The following DLC1 variants were observed in gnomAD, a reference collection of about 807,000 sequenced individuals.
DLC1 encodes DLC1 Rho GTPase activating protein, also known as rho GTPase-activating protein 7.
A neutral mutation model predicts 140.3 loss-of-function variants in DLC1; 54 were observed. That is an observed-to-expected ratio of 0.38 (90% confidence interval 0.31 to 0.48). The LOEUF is 0.48. DLC1 is among the 20% of genes least tolerant of loss of function. The pLI is 0.96. For missense variants in DLC1, 2,536 were observed against 1,907.0 expected, an observed-to-expected ratio of 1.33 and a Z score of -6.14; for synonymous variants, 986 against 728.1, an observed-to-expected ratio of 1.35 and a Z score of -5.70.
At chr8:13,091,668 C>G (rs1300020884) in intron 13 of DLC1, among the ~76,000 whole-genome samples, 1 of 152,112 alleles carries the variant, frequency 6.6e-6, no homozygotes, top group Non-Finnish European at 1.5e-5. Flanking sequence ...GTGATTCAAA[C>G]CATTTAATTA....
intron 5 of DLC1, among the ~76,000 whole-genome samples, chr8:13,160,705 C>T (rs138181706): frequency 5.1e-4 from 78 of 152,252 alleles, no homozygotes; most frequent in African/African-American, 1.6e-3. Flanking sequence ...TGATTAGGGA[C>T]GGCAGGGAGC....
In DLC1 at chr8:13,279,888, A is replaced by G. The variant is rs574570080; in HGVS notation, c.1348+25381T>C. ...GTTTTCTATGACTCTGAGAGGTGAG[A>G]ATAGTTTGTGATAATTAGTGTTGTC... On this transcript the variant is annotated intron_variant, in intron 5 of 17. Transcript: ENST00000276297. Among the ~76,000 whole-genome samples the G allele has an allele frequency of 3.9e-5, 6 of 152,248 alleles. 1 individual carries two copies. Among genetic ancestry groups the G allele is most frequent in the African/African-American group, 1.4e-4 (6 of 41,546 alleles).
At chr8:13,304,261 T>A (rs889603267) in intron 5 of DLC1, among the ~76,000 whole-genome samples, 3 of 152,210 alleles carry the variant, frequency 2.0e-5, no homozygotes, top group Admixed American at 6.5e-5. Context: ...TACATTGTTA[T>A]GTTGTGTGAT....
chr8:13,090,581 C>A (rs1289479152), intron 14 of DLC1, 111 bp from the exon 15 acceptor site: 3 of 1,267,500 alleles, frequency 2.4e-6, no homozygotes, highest in Non-Finnish European at 3.3e-6. Context: ...TAAAGCAGTG[C>A]AGGCATCTTC....
intron 2 of DLC1, among the ~76,000 whole-genome samples, chr8:13,478,007 C>T (rs1007882255): frequency 6.6e-6 from 1 of 152,092 alleles, no homozygotes; most frequent in African/African-American, 2.4e-5. Context: ...AAAACATGAA[C>T]ATGGTACTAG....
intron 4 of DLC1, among the ~76,000 whole-genome samples, chr8:13,382,122 TA>T (rs1281695797): frequency 6.6e-6 from 1 of 152,060 alleles, no homozygotes; most frequent in Non-Finnish European, 1.5e-5. Context: ...ATGTAGAAAG[TA>T]AAAAATGTAC....
intron 1 of DLC1, among the ~76,000 whole-genome samples, chr8:13,575,548 G>A (rs1804809115): frequency 6.6e-6 from 1 of 152,098 alleles, no homozygotes; most frequent in South Asian, 2.1e-4. Flanking sequence ...GCACAGATAT[G>A]GGGCAGAAGA....
Position 13,139,240 on chromosome 8 carries a change from G to C in DLC1, c.1349-23583C>G, listed in dbSNP as rs1822791515. ...GGTAGTCGAGGCTGGATTAAGCTGA[G>C]AATGTGCCACTGCACTCCAGCCTGG... On this transcript the variant is annotated intron_variant, in intron 5 of 17. Coordinates refer to ENST00000276297, the MANE Select transcript of DLC1 (RefSeq NM_182643.3). Among the ~76,000 whole-genome samples the C allele has an allele frequency of 2.4e-5, 3 of 123,570 alleles. No individual in the cohort carries two copies. The Admixed American group carries it at 3.2e-4, about 13-fold the overall frequency. The allele number at this position is 123,570 out of a possible 152,430, so 81.1% of individuals were successfully genotyped here.
chr8:13,224,162 A>C (rs892910119), intron 5 of DLC1, among the ~76,000 whole-genome samples: 2 of 152,230 alleles, frequency 1.3e-5, no homozygotes, highest in African/African-American at 4.8e-5. Flanking sequence ...ACAGAAGAAT[A>C]ACTATTGATT....
intron 2 of DLC1, among the ~76,000 whole-genome samples, chr8:13,498,262 G>A (rs546041100): frequency 6.6e-6 from 1 of 152,198 alleles, no homozygotes; most frequent in South Asian, 2.1e-4. Flanking sequence ...AAAAATGTGG[G>A]GAAATTCTAT....
chr8:13,253,203 TAAG>T (rs1830083240), intron 5 of DLC1, among the ~76,000 whole-genome samples: 1 of 152,204 alleles, frequency 6.6e-6, no homozygotes. Context: ...CAGTTAAAAA[TAAG>T]AATAGTCATG....
chr8:13,603,963 A>G (rs558541772), intron 1 of DLC1, among the ~76,000 whole-genome samples: 7 of 152,224 alleles, frequency 4.6e-5, no homozygotes, highest in African/African-American at 1.4e-4. Context: ...GAAAAGGTAA[A>G]TGGTGTACTT....
intron 1 of DLC1, among the ~76,000 whole-genome samples, chr8:13,511,903 G>T (rs1000790574): frequency 3.9e-5 from 6 of 152,032 alleles, no homozygotes; most frequent in African/African-American, 1.4e-4. Context: ...ATCAATTTTT[G>T]ACCTATTTTA....
At chr8:13,293,537 T>G (rs1268345970) in intron 5 of DLC1, among the ~76,000 whole-genome samples, 1 of 152,216 alleles carries the variant, frequency 6.6e-6, no homozygotes, top group Non-Finnish European at 1.5e-5. Flanking sequence ...ATAAACAGAT[T>G]GATTCAAAAC....
chr8:13,242,997 T>C (rs1259303725), intron 5 of DLC1, among the ~76,000 whole-genome samples: 1 of 151,978 alleles, frequency 6.6e-6, no homozygotes, highest in African/African-American at 2.4e-5. Flanking sequence ...GTTCTCGTGA[T>C]GGTGAGTGAG....
chr8:13,194,704 T>C (rs1345430361), intron 5 of DLC1, among the ~76,000 whole-genome samples: 1 of 152,174 alleles, frequency 6.6e-6, no homozygotes, highest in African/African-American at 2.4e-5. Flanking sequence ...AAGCATTCCA[T>C]TTTGTTATGG....
intron 1 of DLC1, among the ~76,000 whole-genome samples, chr8:13,504,090 A>G (rs1333577041): frequency 6.6e-6 from 1 of 150,654 alleles, no homozygotes. Context: ...GTTACCTTGG[A>G]GGGTAACATT....
chr8:13,477,283 A>T (rs1034860373), intron 2 of DLC1, among the ~76,000 whole-genome samples: 2 of 152,218 alleles, frequency 1.3e-5, no homozygotes, highest in African/African-American at 4.8e-5. Flanking sequence ...GACAGCGTGG[A>T]AGATGTAGCT....
intron 4 of DLC1, among the ~76,000 whole-genome samples, chr8:13,345,550 T>TTTTTTTA (rs1834294240): frequency 1.9e-5 from 1 of 51,456 alleles, no homozygotes; most frequent in Non-Finnish European, 5.9e-5. Context: ...ACTCACACTT[T>TTTTTTTA]TTTTTTTTTT....
Sources: allele counts gnomAD v4.1 joint callset (sites outside exome capture counted in the v4.1 genomes callset), GRCh38; gene constraint gnomAD v4.1.1; transcripts MANE v1.5; gene names NCBI Gene and HGNC (gene_info 2026-07-23, HGNC 2026-07-21).